The following MYOM3 variants were observed in gnomAD, a reference collection of about 807,000 sequenced individuals.
MYOM3 encodes the protein myomesin-3.
Under a neutral mutation model 191.7 loss-of-function variants are expected in MYOM3, and 155 were observed. The ratio of observed to expected loss-of-function variants is 0.81; its 90% CI spans 0.71 to 0.92. The LOEUF (loss-of-function observed/expected upper bound fraction) is 0.92. MYOM3 is among the 40% of genes least tolerant of loss of function. The pLI, the probability that MYOM3 is intolerant of heterozygous loss-of-function variation, is 0.00. For missense variants in MYOM3, 1,889 were observed against 1,890.6 expected, an observed-to-expected ratio of 1.00 and a Z score of 0.02; for synonymous variants, 757 against 762.9, an observed-to-expected ratio of 0.99 and a Z score of 0.13.
chr1:24,063,549 A>G lies in MYOM3; in HGVS notation c.3623-19T>C. 3 of 1,614,020 alleles carry G rather than the reference A, an allele frequency of 1.9e-6. No homozygotes were observed. Among genetic ancestry groups the G allele is most frequent in the Non-Finnish European group, 2.5e-6 (3 of 1,179,978 alleles). ...TCCAGGGCTGGCGGGAAACAGAGAGAAGGGTTAGCTGGCATAGGGCTCCCC... is the reference window on the plus strand; with the variant it reads ...TCCAGGGCTGGCGGGAAACAGAGAGGAGGGTTAGCTGGCATAGGGCTCCCC... On this transcript the variant is annotated intron_variant, in intron 30 of 36. Transcript: ENST00000374434. The surrounding 1 kb of genome is among the most constrained non-coding windows in gnomAD (Gnocchi z 4.5).
chr1:24,081,503 A>G (rs1570869033), intron 18 of MYOM3, 47 bp from the exon 19 acceptor site: 1 of 1,601,082 alleles, frequency 6.2e-7, no homozygotes. Flanking sequence ...TGGAGGAGGG[A>G]TGGGGAACAG....
In MYOM3 at chr1:24,063,317, C is replaced by T; in HGVS notation, c.3662-83G>A. 7.1e-7 allele frequency: 1 copy of T among 1,401,020 alleles called. No individual in the cohort carries two copies. Among genetic ancestry groups the T allele is most frequent in the Non-Finnish European group, 1.0e-6 (1 of 989,054 alleles). 86.8% of individuals were successfully genotyped at this position (1,401,020 alleles called of 1,614,324 possible). On this transcript the variant is annotated intron_variant, in intron 31 of 36. Coordinates refer to ENST00000374434, the MANE Select transcript of MYOM3 (RefSeq NM_152372.4). This position sits in a 1 kb window ranked among gnomAD's most constrained non-coding sequence, Gnocchi z 4.5. ...TGGGGCCGGCTTGTCTGCCTCTGCC[C>T]TGGGGGGCAGGTGCTGTGGGGGAAA...
chr1:24,093,597 G>A (rs1418651573), intron 9 of MYOM3, among the ~76,000 whole-genome samples: 3 of 152,010 alleles, frequency 2.0e-5, no homozygotes, highest in Admixed American at 1.3e-4. Flanking sequence ...CTCTCGGGAT[G>A]GGAGCTTAGG....
intron 2 of MYOM3, 59 bp from the exon 3 acceptor site, chr1:24,108,132 G>T: frequency 6.6e-7 from 1 of 1,522,660 alleles, no homozygotes; most frequent in Non-Finnish European, 9.0e-7. Context: ...GGCTCCCTGA[G>T]ATTAGGGCTG....
At chr1:24,073,769 A>G (rs747728621) in intron 23 of MYOM3, among the ~76,000 whole-genome samples, 1 of 150,002 alleles carries the variant, frequency 6.7e-6, no homozygotes, top group African/African-American at 2.5e-5. Context: ...AGGCTCAGGC[A>G]GGAGAATTGC....
intron 35 of MYOM3, among the ~76,000 whole-genome samples, chr1:24,059,269 G>A (rs1234358855): frequency 6.6e-6 from 1 of 152,140 alleles, no homozygotes; most frequent in Non-Finnish European, 1.5e-5. Flanking sequence ...TGAGCAGCTG[G>A]GACTATAGGC....
At position 24,084,445 on chromosome 1, in the gene MYOM3, C is replaced by T. The variant is rs770591379; in HGVS notation, c.1970+23G>A. On this transcript the variant is annotated intron_variant, in intron 16 of 36. Coordinates refer to ENST00000374434, the MANE Select transcript of MYOM3 (RefSeq NM_152372.4). ...GTCTTTATAGCAGTGTGAGAACAGA[C>T]TGATACGGGTGGGCAGACGTACCTG... 8.1e-6 allele frequency: 13 copies of T among 1,613,582 alleles called. No homozygotes were observed. In the Admixed American group the frequency reaches 8.3e-5, roughly 10 times the overall value.
chr1:24,062,419 C>T (rs1051838733), intron 32 of MYOM3, among the ~76,000 whole-genome samples: 2 of 152,196 alleles, frequency 1.3e-5, no homozygotes, highest in Admixed American at 6.5e-5. Flanking sequence ...GGGGAGGAAC[C>T]TATTGTCCTG....
At chr1:24,089,436 C>T in intron 14 of MYOM3, 102 bp downstream of exon 14, 1 of 1,413,092 alleles carries the variant, frequency 7.1e-7, no homozygotes, top group South Asian at 1.6e-5. Context: ...CCAGGGGATT[C>T]TCTTTCATTC....
At chr1:24,061,874 G>A in intron 33 of MYOM3, 72 bp downstream of exon 33, 1 of 1,539,538 alleles carries the variant, frequency 6.5e-7, no homozygotes, top group Admixed American at 1.7e-5. Flanking sequence ...TTACAGGACT[G>A]ACCCAGTGTG....
chr1:24,074,113 GGACT>G, intron 23 of MYOM3, 43 bp downstream of exon 23: 1 of 1,476,468 alleles, frequency 6.8e-7, no homozygotes, highest in East Asian at 2.3e-5. Context: ...TTTGTGTTTG[GGACT>G]CTCTCTCTGG....
chr1:24,062,084 G>T lies in MYOM3; in HGVS notation c.3796C>A (p.Arg1266=). 2 of 1,614,098 alleles carry T rather than the reference G, an allele frequency of 1.2e-6. No homozygotes were observed. The highest frequency in any genetic ancestry group is 1.7e-6 in the Non-Finnish European group (2 of 1,180,034). The stretch of plus-strand genomic sequence containing the variant: ...TCCAGGGTGGTGCCCGTCCTTATCC[G>T]ATCACCACTCTCCAGACGTTTGTCT... The part of the protein sequence containing the change: ...HKDKRLESGD[R]IRTGTTLDEI... Residue 1266 remains arginine (R), a synonymous_variant, in exon 33 of 37, where the codon CGG becomes AGG. Coordinates refer to ENST00000374434, the MANE Select transcript of MYOM3 (RefSeq NM_152372.4).
intron 7 of MYOM3, among the ~76,000 whole-genome samples, chr1:24,096,717 T>C (rs1643879961): frequency 6.6e-6 from 1 of 151,944 alleles, no homozygotes; most frequent in African/African-American, 2.4e-5. Flanking sequence ...TGAGTGCGCG[T>C]GTGTGTATGA....
chr1:24,084,168 G>T (rs527407404), intron 16 of MYOM3: 2 of 337,340 alleles, frequency 5.9e-6, no homozygotes, highest in African/African-American at 2.1e-5. Context: ...GCGGATGTCC[G>T]CTTTGCTGTT....
rs377066690 is a variant in MYOM3 at position 24,063,102 on chromosome 1, G to A, written c.3770+24C>T. ...GCTGAATCCTTTCCAGCCTGGCTGGGGTTCTGGGGCAAGGCGGACTTACTT... is the reference window on the plus strand; with the variant it reads ...GCTGAATCCTTTCCAGCCTGGCTGGAGTTCTGGGGCAAGGCGGACTTACTT... On this transcript the variant is annotated intron_variant, in intron 32 of 36. Transcript: ENST00000374434. The surrounding 1 kb of genome is among the most constrained non-coding windows in gnomAD (Gnocchi z 4.5). The A allele has an allele frequency of 1.3e-6, 2 of 1,530,856 alleles. No individual in the cohort carries two copies. The highest frequency in any genetic ancestry group is 3.3e-5 in the Admixed American group (2 of 59,718). 94.8% of individuals were successfully genotyped at this position (1,530,856 alleles called of 1,614,324 possible).
chr1:24,086,504 G>T, intron 15 of MYOM3, 140 bp downstream of exon 15: 1 of 819,318 alleles, frequency 1.2e-6, no homozygotes, highest in Non-Finnish European at 1.9e-6. Flanking sequence ...CCCCAGGCCT[G>T]AGATCAAATT....
At chr1:24,109,713 C>T (rs896371491) in intron 1 of MYOM3, among the ~76,000 whole-genome samples, 3 of 152,248 alleles carry the variant, frequency 2.0e-5, no homozygotes, top group Admixed American at 6.5e-5. Flanking sequence ...TCCCATTTTA[C>T]TGATGAACAG....
In MYOM3 at chr1:24,056,525, T is replaced by C. The variant is rs11249042; in HGVS notation, c.*839A>G. 0.72 allele frequency: 110,089 copies of C among 152,204 alleles called. 39,985 individuals carry two copies. Among genetic ancestry groups the C allele is most frequent in the East Asian group, 0.95 (4,953 of 5,188 alleles). The allele number at this position is 152,204 out of a possible 1,614,324, so 9.4% of individuals were successfully genotyped here. ...CCGGGATTACAGGCACCTGCCACCA[T>C]GCCTGGCTAATTTTTGTATTTTTAG... On this transcript the variant is annotated 3_prime_UTR_variant, in exon 37 of 37. Transcript: ENST00000374434.
chr1:24,067,157 G>C (rs1006058592), intron 27 of MYOM3, 69 bp from the exon 28 acceptor site: 3 of 1,472,818 alleles, frequency 2.0e-6, no homozygotes, highest in African/African-American at 2.8e-5. Context: ...CCTGTGTCCA[G>C]GCAGTGCTGG....
Sources: gnomAD v4.1 joint callset for allele counts (sites outside exome capture counted in the v4.1 genomes callset) on GRCh38, gnomAD v4.1.1 for gene constraint, Gnocchi (gnomAD v3.1) non-coding constraint, MANE v1.5 for transcripts, NCBI Gene and HGNC (gene_info 2026-07-23, HGNC 2026-07-21) for gene names.